The following MAML3 variants were observed in gnomAD, a reference collection of about 807,000 sequenced individuals.
MAML3 encodes mastermind-like protein 3.
In MAML3, 27 loss-of-function variants were observed where a neutral mutation model predicts 101.9. That is an observed-to-expected ratio of 0.27 (90% CI 0.20 to 0.37). The LOEUF (loss-of-function observed/expected upper bound fraction) is 0.37. MAML3 is among the 10% of genes least tolerant of loss of function. The pLI is 1.00. For synonymous variants in MAML3, 501 were observed against 555.9 expected (o/e 0.90, Z 1.39); for missense variants, 1,316 against 1,444.9 (o/e 0.91, Z 1.45).
At chr4:140,067,841 C>A (rs1727567097) in intron 1 of MAML3, among the ~76,000 whole-genome samples, 1 of 150,158 alleles carries the variant, frequency 6.7e-6, no homozygotes, top group Non-Finnish European at 1.5e-5. Flanking sequence ...TCCAGCAATT[C>A]TCCTGCCTCA....
intron 1 of MAML3, among the ~76,000 whole-genome samples, chr4:139,971,665 C>T (rs909423753): frequency 1.3e-5 from 2 of 152,130 alleles, no homozygotes; most frequent in African/African-American, 4.8e-5. Context: ...ATGGTAAATT[C>T]ATTCATGGCC....
chr4:139,856,320 C>T (rs141484830), intron 2 of MAML3, among the ~76,000 whole-genome samples: 70 of 152,274 alleles, frequency 4.6e-4, no homozygotes, highest in Non-Finnish European at 9.3e-4. Flanking sequence ...TTTACGAAGT[C>T]GAATTCAAAT....
chr4:140,060,449 C>T (rs908349558), intron 1 of MAML3, among the ~76,000 whole-genome samples: 1 of 149,096 alleles, frequency 6.7e-6, no homozygotes, highest in Admixed American at 6.7e-5. Context: ...CTTAATTTAA[C>T]CCCCAATATG....
intron 1 of MAML3, among the ~76,000 whole-genome samples, chr4:139,971,498 A>G (rs990076752): frequency 2.0e-5 from 3 of 152,218 alleles, no homozygotes; most frequent in Admixed American, 6.5e-5. Flanking sequence ...CAGAAATACA[A>G]TAGCATATAA....
chr4:140,079,703 T>G (rs1727833986), intron 1 of MAML3, among the ~76,000 whole-genome samples: 1 of 152,232 alleles, frequency 6.6e-6, no homozygotes, highest in South Asian at 2.1e-4. Context: ...AGTCAAGGTC[T>G]AACCATATAT....
At chr4:140,011,154 ATTTATATATAT>A (rs1560865787) in intron 1 of MAML3, among the ~76,000 whole-genome samples, 1 of 66,130 alleles carries the variant, frequency 1.5e-5, no homozygotes, top group African/African-American at 6.1e-5. Context: ...TGTCATATAT[ATTTATATATAT>A]GACATATATG....
chr4:139,768,220 A>AG (rs1729902926), intron 2 of MAML3, among the ~76,000 whole-genome samples: 1 of 105,262 alleles, frequency 9.5e-6, no homozygotes, highest in Non-Finnish European at 2.0e-5. Context: ...CTCTGTTGAT[A>AG]GTTGTGTGTG....
chr4:140,078,549 G>C (rs1263315950), intron 1 of MAML3, among the ~76,000 whole-genome samples: 1 of 152,144 alleles, frequency 6.6e-6, no homozygotes, highest in South Asian at 2.1e-4. Flanking sequence ...GGAGGGTGGG[G>C]CTGGAGGAGG....
intron 1 of MAML3, among the ~76,000 whole-genome samples, chr4:139,970,047 G>C (rs1364016778): frequency 6.6e-6 from 1 of 152,172 alleles, no homozygotes; most frequent in African/African-American, 2.4e-5. Context: ...TGAGGTCAGT[G>C]GGTTATGAAA....
intron 1 of MAML3, among the ~76,000 whole-genome samples, chr4:139,950,699 G>A (rs764479477): frequency 8.5e-5 from 13 of 152,148 alleles, no homozygotes; most frequent in African/African-American, 1.2e-4. Flanking sequence ...TAAACCACAC[G>A]CCTTCTGTGA....
chr4:140,095,670 G>A (rs1214237194), intron 1 of MAML3, among the ~76,000 whole-genome samples: 2 of 151,746 alleles, frequency 1.3e-5, no homozygotes, highest in African/African-American at 2.4e-5. Flanking sequence ...GTGTCCCTCT[G>A]CCCTACCCTC....
chr4:140,076,248 C>T (rs533524654), intron 1 of MAML3, among the ~76,000 whole-genome samples: 3 of 152,122 alleles, frequency 2.0e-5, no homozygotes, highest in Non-Finnish European at 4.4e-5. Context: ...CAACCAAGGT[C>T]TGTGAAGATC....
intron 2 of MAML3, among the ~76,000 whole-genome samples, chr4:139,829,888 T>A (rs1731131383): frequency 6.6e-6 from 1 of 152,218 alleles, no homozygotes; most frequent in Admixed American, 6.5e-5. Flanking sequence ...TATCAGTTAT[T>A]ATCAGCATGT....
At chr4:140,101,804 T>C (rs1728256433) in intron 1 of MAML3, among the ~76,000 whole-genome samples, 1 of 151,636 alleles carries the variant, frequency 6.6e-6, no homozygotes, top group South Asian at 2.1e-4. Flanking sequence ...CTATATAAAA[T>C]AGCCTAAATT....
chr4:139,816,625 G>A (rs1396458900), intron 2 of MAML3, among the ~76,000 whole-genome samples: 1 of 152,118 alleles, frequency 6.6e-6, no homozygotes, highest in Non-Finnish European at 1.5e-5. Flanking sequence ...TCCCTGAGAA[G>A]TCCAGTGTTG....
intron 1 of MAML3, among the ~76,000 whole-genome samples, chr4:139,978,064 C>T (rs761685005): frequency 2.6e-5 from 4 of 152,060 alleles, no homozygotes; most frequent in African/African-American, 9.7e-5. Context: ...AGACTGAGGT[C>T]ACAGTCTTGC....
At chr4:139,764,158 T>C (rs917710567) in intron 2 of MAML3, among the ~76,000 whole-genome samples, 1 of 152,208 alleles carries the variant, frequency 6.6e-6, no homozygotes, top group African/African-American at 2.4e-5. Flanking sequence ...ACAGAAATGG[T>C]AGCAGCAAAA....
intron 2 of MAML3, among the ~76,000 whole-genome samples, chr4:139,815,614 G>C (rs1730879239): frequency 6.6e-6 from 1 of 152,164 alleles, no homozygotes; most frequent in Non-Finnish European, 1.5e-5. Flanking sequence ...ACAATGATCA[G>C]TATGCAGAGG....
In MAML3 at chr4:139,787,166, C is replaced by T. The variant is rs186080563; in HGVS notation, c.2080-56499G>A. Among the ~76,000 whole-genome samples, 115 of 152,352 alleles carry T rather than the reference C, an allele frequency of 7.5e-4. 1 individual carries two copies. The highest frequency in any genetic ancestry group is 2.5e-3 in the African/African-American group (105 of 41,576). On this transcript the variant is annotated intron_variant, in intron 2 of 4. Coordinates refer to ENST00000509479, the MANE Select transcript of MAML3 (RefSeq NM_018717.5). ...CGTTCTGCAGCAGCGCTCCGTCCTG[C>T]GCCCCACAGGGGATTTCCTTACACT...
Sources: gnomAD v4.1 joint callset for allele counts (sites outside exome capture counted in the v4.1 genomes callset) on GRCh38, gnomAD v4.1.1 for gene constraint, MANE v1.5 for transcripts, NCBI Gene and HGNC (gene_info 2026-07-23, HGNC 2026-07-21) for gene names.